The following RAI14 variants were observed in gnomAD, a reference collection of about 807,000 sequenced individuals.
RAI14 encodes the protein retinoic acid induced 14, also known as ankycorbin.
Under a neutral mutation model 115.4 loss-of-function variants are expected in RAI14, and 45 were observed. The observed-to-expected ratio is 0.39, with a 90% CI of 0.31 to 0.50. RAI14 has a LOEUF of 0.50. Among genes scored for constraint, RAI14 ranks in the 20% least tolerant of loss-of-function variants. The pLI, the probability that RAI14 is intolerant of heterozygous loss-of-function variation, is 0.85. For synonymous variants in RAI14, 371 were observed against 415.4 expected, an observed-to-expected ratio of 0.89 and a Z score of 1.30; for missense variants, 939 against 1,131.2, an observed-to-expected ratio of 0.83 and a Z score of 2.44.
intron 3 of RAI14, among the ~76,000 whole-genome samples, chr5:34,769,931 G>C (rs1248061822): frequency 1.3e-5 from 2 of 152,126 alleles, no homozygotes; most frequent in Non-Finnish European, 2.9e-5. Context: ...GTTTCACCAT[G>C]TTGGCCAGGC....
chr5:34,781,396 A>G (rs187175271), intron 3 of RAI14, among the ~76,000 whole-genome samples: 2 of 152,338 alleles, frequency 1.3e-5, no homozygotes, highest in South Asian at 4.1e-4. Flanking sequence ...GTAAAAGCTT[A>G]TGTAGAGACA....
At chr5:34,775,258 C>A (rs1032065548) in intron 3 of RAI14, among the ~76,000 whole-genome samples, 1 of 152,024 alleles carries the variant, frequency 6.6e-6, no homozygotes, top group Non-Finnish European at 1.5e-5. Context: ...CAAAAATGGA[C>A]AAATGGGGAT....
intron 2 of RAI14, chr5:34,733,202 C>T (rs1237236082): frequency 2.0e-5 from 3 of 152,168 alleles, no homozygotes; most frequent in African/African-American, 4.8e-5. Flanking sequence ...ATTATATATA[C>T]ACCTGGAATT....
At chr5:34,782,416 G>T (rs1010926393) in intron 3 of RAI14, among the ~76,000 whole-genome samples, 2 of 152,188 alleles carry the variant, frequency 1.3e-5, no homozygotes, top group Non-Finnish European at 2.9e-5. Context: ...TGAAATCACA[G>T]AGCTTTTAAG....
At chr5:34,756,380 A>T (rs1432369140) in intron 2 of RAI14, among the ~76,000 whole-genome samples, 4 of 152,196 alleles carry the variant, frequency 2.6e-5, no homozygotes, top group Non-Finnish European at 1.5e-5. Context: ...ATCCCTTCAG[A>T]GGCTGCAAGG....
intron 1 of RAI14, among the ~76,000 whole-genome samples, chr5:34,682,823 T>C (rs1280662211): frequency 6.6e-6 from 1 of 152,244 alleles, no homozygotes; most frequent in Non-Finnish European, 1.5e-5. Flanking sequence ...AATTAGGCTG[T>C]TGTGCAGCTA....
At chr5:34,699,539 C>A (rs749697968) in intron 2 of RAI14, among the ~76,000 whole-genome samples, 2 of 152,170 alleles carry the variant, frequency 1.3e-5, no homozygotes, top group Admixed American at 1.3e-4. Flanking sequence ...TTAATAAGGA[C>A]CTCAGTTGTA....
chr5:34,746,786 G>A (rs1746292153), intron 2 of RAI14, among the ~76,000 whole-genome samples: 1 of 152,046 alleles, frequency 6.6e-6, no homozygotes, highest in African/African-American at 2.4e-5. Context: ...ATATGTCTTG[G>A]CTGTGTCCCC....
At chr5:34,713,633 C>T (rs1353675352) in intron 2 of RAI14, among the ~76,000 whole-genome samples, 1 of 152,152 alleles carries the variant, frequency 6.6e-6, no homozygotes, top group Non-Finnish European at 1.5e-5. Context: ...CTCTTGGTCT[C>T]AATTGACCTT....
intron 2 of RAI14, among the ~76,000 whole-genome samples, chr5:34,755,171 T>A (rs1284471833): frequency 1.3e-5 from 2 of 152,196 alleles, no homozygotes; most frequent in Non-Finnish European, 2.9e-5. Context: ...TTTGCTGTAG[T>A]TGTTTGTACA....
At chr5:34,790,429 A>G (rs1476613533) in intron 3 of RAI14, among the ~76,000 whole-genome samples, 1 of 152,228 alleles carries the variant, frequency 6.6e-6, no homozygotes, top group Non-Finnish European at 1.5e-5. Flanking sequence ...GGACAAAGCT[A>G]AAAGAGTGCA....
At chr5:34,697,010 A>G (rs1739332062) in intron 2 of RAI14, among the ~76,000 whole-genome samples, 1 of 152,162 alleles carries the variant, frequency 6.6e-6, no homozygotes, top group Non-Finnish European at 1.5e-5. Context: ...ATGCACCTGT[A>G]GTCCCAGCTA....
chr5:34,696,863 G>C (rs1739306477), intron 2 of RAI14, among the ~76,000 whole-genome samples: 1 of 152,228 alleles, frequency 6.6e-6, no homozygotes, highest in Non-Finnish European at 1.5e-5. Flanking sequence ...GGGTGCTGTG[G>C]CTCACGCCTG....
At chr5:34,752,698 CAT>C (rs66644463) in intron 2 of RAI14, among the ~76,000 whole-genome samples, 21,743 of 87,760 alleles carry the variant, frequency 0.25, 3,661 homozygotes, top group African/African-American at 0.39. Flanking sequence ...ATATTTCTTA[CAT>C]ATATGTGTGT....
chr5:34,683,559 T>C (rs999418337), intron 1 of RAI14, among the ~76,000 whole-genome samples: 4 of 152,152 alleles, frequency 2.6e-5, no homozygotes, highest in Non-Finnish European at 5.9e-5. Flanking sequence ...TCTGAATATG[T>C]GAACGAAGGA....
At chr5:34,792,983 T>A (rs2150198691) in intron 3 of RAI14, among the ~76,000 whole-genome samples, 1 of 152,318 alleles carries the variant, frequency 6.6e-6, no homozygotes, top group Admixed American at 6.5e-5. Flanking sequence ...TGATCTAAAC[T>A]CTCAATGGGA....
At chr5:34,707,577 G>T (rs1392710500) in intron 2 of RAI14, among the ~76,000 whole-genome samples, 4 of 152,144 alleles carry the variant, frequency 2.6e-5, no homozygotes, top group African/African-American at 9.7e-5. Flanking sequence ...ACTGATAATT[G>T]CTTCTGTAAG....
At chr5:34,807,514 A>T (rs939992140) in intron 5 of RAI14, among the ~76,000 whole-genome samples, 4 of 151,992 alleles carry the variant, frequency 2.6e-5, no homozygotes, top group African/African-American at 9.7e-5. Context: ...AAGGATTAAG[A>T]TGAGAGAGCC....
intron 11 of RAI14, 105 bp downstream of exon 11, chr5:34,813,765 G>A (rs905503615): frequency 2.7e-6 from 2 of 731,812 alleles, no homozygotes; most frequent in Non-Finnish European, 4.1e-6. Context: ...TGACCTTTAA[G>A]TGCATATTTA....
Sources: allele counts gnomAD v4.1 joint callset (sites outside exome capture counted in the v4.1 genomes callset), GRCh38; gene constraint gnomAD v4.1.1; transcripts MANE v1.5; gene names NCBI Gene and HGNC (gene_info 2026-07-23, HGNC 2026-07-21).